SGPP2: variants seen among roughly 807,000 people sequenced by gnomAD.
SGPP2 encodes sphingosine-1-phosphate phosphatase 2.
In SGPP2, 30 loss-of-function variants were observed where a neutral mutation model predicts 33.9. The observed-to-expected ratio is 0.89, with a 90% confidence interval of 0.66 to 1.20. The LOEUF is 1.20. Ranked by LOEUF, SGPP2 falls within the 50% of genes most tolerant of loss-of-function variation. The pLI, the probability that SGPP2 is intolerant of heterozygous loss-of-function variation, is 0.00. For synonymous variants in SGPP2, 233 were observed against 225.0 expected (o/e 1.04, Z -0.32); for missense variants, 458 against 532.1 (o/e 0.86, Z 1.37).
chr2:222,426,688 T>C (rs1697076427), intron 1 of SGPP2, among the ~76,000 whole-genome samples: 1 of 152,228 alleles, frequency 6.6e-6, no homozygotes, highest in Non-Finnish European at 1.5e-5. Context: ...TGGTATATAA[T>C]GGGGGAAATC....
chr2:222,442,601 A>G (rs566028923), intron 1 of SGPP2, among the ~76,000 whole-genome samples: 8 of 152,312 alleles, frequency 5.3e-5, no homozygotes, highest in Admixed American at 3.9e-4. Flanking sequence ...AAATTTGATT[A>G]ATTATGCAAA....
chr2:222,558,208 T>C, intron 4 of SGPP2, 139 bp from the exon 5 acceptor site: 7 of 952,876 alleles, frequency 7.3e-6, no homozygotes, highest in Non-Finnish European at 1.1e-5. Context: ...CTTTACACTT[T>C]CTTTGAACAT....
chr2:222,434,682 A>G (rs1007639556), intron 1 of SGPP2, among the ~76,000 whole-genome samples: 2 of 152,130 alleles, frequency 1.3e-5, no homozygotes, highest in African/African-American at 2.4e-5. Context: ...ATTTGTCCAA[A>G]TGGCAAAAAT....
chr2:222,457,815 A>G (rs1697594919), intron 1 of SGPP2, among the ~76,000 whole-genome samples: 1 of 152,136 alleles, frequency 6.6e-6, no homozygotes, highest in Non-Finnish European at 1.5e-5. Flanking sequence ...GGGAGGGTAG[A>G]CCTGGGGCAG....
chr2:222,513,791 C>T (rs1698564795), intron 2 of SGPP2, among the ~76,000 whole-genome samples: 1 of 151,750 alleles, frequency 6.6e-6, no homozygotes, highest in South Asian at 2.1e-4. Context: ...CTACAGCTAC[C>T]AGAAACTGGA....
chr2:222,479,399 CTT>C (rs568165167), intron 2 of SGPP2, among the ~76,000 whole-genome samples: 3 of 114,886 alleles, frequency 2.6e-5, no homozygotes, highest in African/African-American at 3.6e-5. Flanking sequence ...ATCTACCCTT[CTT>C]TTTTTTTTTT....
At chr2:222,432,485 A>G (rs972690421) in intron 1 of SGPP2, among the ~76,000 whole-genome samples, 1 of 152,268 alleles carries the variant, frequency 6.6e-6, no homozygotes, top group African/African-American at 2.4e-5. Flanking sequence ...TAGGCTGGTC[A>G]GCATTTTATG....
At chr2:222,448,251 C>T (rs767210014) in intron 1 of SGPP2, among the ~76,000 whole-genome samples, 15 of 152,210 alleles carry the variant, frequency 9.9e-5, no homozygotes, top group African/African-American at 3.4e-4. Context: ...TGCTCTACAT[C>T]AGGAACACTC....
At chr2:222,544,946 T>C (rs1379071229) in intron 4 of SGPP2, among the ~76,000 whole-genome samples, 2 of 152,200 alleles carry the variant, frequency 1.3e-5, no homozygotes, top group Non-Finnish European at 2.9e-5. Context: ...ATAAAGCTAT[T>C]TTTATTTAAT....
chr2:222,536,710 A>T (rs1293775939), intron 4 of SGPP2, among the ~76,000 whole-genome samples: 1 of 152,130 alleles, frequency 6.6e-6, no homozygotes, highest in Non-Finnish European at 1.5e-5. Context: ...AATAAAATAG[A>T]ATAAAAAATT....
chr2:222,499,651 G>C (rs889067376), intron 2 of SGPP2, among the ~76,000 whole-genome samples: 6 of 152,242 alleles, frequency 3.9e-5, no homozygotes, highest in South Asian at 2.1e-4. Context: ...GGGGCATTGG[G>C]GGAAAGACAG....
At chr2:222,434,973 T>C (rs1574828661) in intron 1 of SGPP2, among the ~76,000 whole-genome samples, 1 of 17,902 alleles carries the variant, frequency 5.6e-5, no homozygotes, top group East Asian at 2.1e-3. Context: ...AATGGAGATA[T>C]ATACACACAC....
At chr2:222,510,275 A>G (rs1404342756) in intron 2 of SGPP2, among the ~76,000 whole-genome samples, 1 of 152,218 alleles carries the variant, frequency 6.6e-6, no homozygotes, top group Non-Finnish European at 1.5e-5. Context: ...GTGTCTGTTT[A>G]TCCAAGTCAT....
chr2:222,461,346 G>A (rs1697656240), intron 1 of SGPP2, among the ~76,000 whole-genome samples: 2 of 152,080 alleles, frequency 1.3e-5, no homozygotes, highest in African/African-American at 4.8e-5. Flanking sequence ...CCCAAGGCTG[G>A]TGATGACACC....
At chr2:222,557,949 C>A (rs935986954) in intron 4 of SGPP2, among the ~76,000 whole-genome samples, 1 of 152,196 alleles carries the variant, frequency 6.6e-6, no homozygotes. Flanking sequence ...CTTTAGCCAG[C>A]CTGCAGCCCA....
intron 4 of SGPP2, among the ~76,000 whole-genome samples, chr2:222,538,037 C>T (rs1698939508): frequency 6.6e-6 from 1 of 152,210 alleles, no homozygotes; most frequent in Non-Finnish European, 1.5e-5. Flanking sequence ...TGATGGTTCC[C>T]CTATGAATTA....
chr2:222,502,284 A>G (rs1698379617), intron 2 of SGPP2, among the ~76,000 whole-genome samples: 1 of 152,206 alleles, frequency 6.6e-6, no homozygotes, highest in Admixed American at 6.5e-5. Flanking sequence ...AGAGAAAAAT[A>G]AGAGTGACTT....
At chr2:222,434,352 G>A (rs558234968) in intron 1 of SGPP2, among the ~76,000 whole-genome samples, 2 of 152,286 alleles carry the variant, frequency 1.3e-5, no homozygotes, top group East Asian at 1.9e-4. Flanking sequence ...ATCTCAGCAC[G>A]TAGGTGTGTG....
At chr2:222,528,377 A>G (rs1056838536) in intron 4 of SGPP2, among the ~76,000 whole-genome samples, 2 of 152,186 alleles carry the variant, frequency 1.3e-5, no homozygotes, top group African/African-American at 4.8e-5. Context: ...TTCTCAGTGC[A>G]TATAAAAATG....
Sources: gnomAD v4.1 joint callset for allele counts (sites outside exome capture counted in the v4.1 genomes callset) on GRCh38, gnomAD v4.1.1 for gene constraint, MANE v1.5 for transcripts, NCBI Gene and HGNC (gene_info 2026-07-23, HGNC 2026-07-21) for gene names.